The following XPOT variants were observed in gnomAD, a reference collection of about 807,000 sequenced individuals.
XPOT encodes exportin for tRNA, also known as exportin-T.
A neutral mutation model predicts 128.2 loss-of-function variants in XPOT; 34 were observed. The observed-to-expected ratio is 0.27, with a 90% CI of 0.20 to 0.35. The LOEUF (loss-of-function observed/expected upper bound fraction) is 0.35. Ranked by LOEUF, XPOT falls within the 10% of genes least tolerant of loss-of-function variation. The pLI, the probability that XPOT is intolerant of heterozygous loss-of-function variation, is 1.00. For missense variants in XPOT, 838 were observed against 1,125.3 expected (o/e 0.74, Z 3.65); for synonymous variants, 348 against 394.3 (o/e 0.88, Z 1.39).
chr12:64,426,938 G>A (rs71467182), intron 15 of XPOT, among the ~76,000 whole-genome samples: 1 of 151,758 alleles, frequency 6.6e-6, no homozygotes, highest in East Asian at 1.9e-4. Flanking sequence ...AGCAGAGATC[G>A]TGCCATTGCA....
At chr12:64,417,005 G>C (rs143594150) in intron 4 of XPOT, among the ~76,000 whole-genome samples, 1 of 152,100 alleles carries the variant, frequency 6.6e-6, no homozygotes, top group African/African-American at 2.4e-5. Flanking sequence ...TTGAAGTCAG[G>C]AGTTTGAGAC....
rs140974720 is a variant in XPOT, at chr12:64,442,232, G to A, written c.2806-2843G>A. Among the ~76,000 whole-genome samples, 503 of 151,964 alleles carry A rather than the reference G, an allele frequency of 3.3e-3. 1 individual carries two copies. The highest frequency in any genetic ancestry group is 0.012 in the African/African-American group (486 of 41,454). On this transcript the variant is annotated intron_variant, in intron 23 of 24. Coordinates refer to ENST00000332707, the MANE Select transcript of XPOT (RefSeq NM_007235.6). ...ACCTCCCGGGTTCAAGCAATTCTCC[G>A]GGTTCAAGCAGTTCTCCGGCCTCAG...
Position 64,431,711 on chromosome 12 carries a change from A to G in XPOT, c.2150A>G (p.Glu717Gly), listed in dbSNP as rs771443664. Residue 717 changes from glutamate to glycine, a missense_variant, in exon 18 of 25, where the codon GAA (glutamate) becomes GGA (glycine). Transcript: ENST00000332707. ...FLHRMIICLEEEVLPFIPSAS... is the reference protein window; with the variant it reads ...FLHRMIICLEGEVLPFIPSAS... ...CATCGAATGATTATTTGCCTGGAGG[A>G]AGAAGTTCTTCCGTTCATTCCATCT... 1 of 1,614,112 alleles carries G rather than the reference A, an allele frequency of 6.2e-7. No individual in the cohort carries two copies. Among genetic ancestry groups the G allele is most frequent in the Admixed American group, 1.7e-5 (1 of 60,008 alleles).
intron 3 of XPOT, among the ~76,000 whole-genome samples, chr12:64,416,457 A>G (rs943491375): frequency 6.6e-6 from 1 of 152,308 alleles, no homozygotes; most frequent in East Asian, 1.9e-4. Context: ...GCATCTTAAT[A>G]TCTTGGTTAG....
chr12:64,409,482 TC>T (rs753860145), intron 1 of XPOT, among the ~76,000 whole-genome samples: 80 of 152,178 alleles, frequency 5.3e-4, no homozygotes, highest in Non-Finnish European at 9.3e-4. Context: ...ATGCCTGTAA[TC>T]CCAGCACTTT....
At chr12:64,441,737 T>C (rs988629912) in intron 23 of XPOT, among the ~76,000 whole-genome samples, 5 of 152,326 alleles carry the variant, frequency 3.3e-5, no homozygotes, top group Non-Finnish European at 5.9e-5. Flanking sequence ...CAGGCTGGAG[T>C]GCAGAGGCAC....
intron 23 of XPOT, 32 bp downstream of exon 23, chr12:64,439,347 A>G (rs565165721): frequency 6.3e-7 from 1 of 1,580,598 alleles, no homozygotes; most frequent in Non-Finnish European, 8.7e-7. Flanking sequence ...TGTGTAGGCG[A>G]GAGATCACAG....
At chr12:64,409,879 A>T in intron 1 of XPOT, 83 bp from the exon 2 acceptor site, 1 of 595,892 alleles carries the variant, frequency 1.7e-6, no homozygotes, top group South Asian at 2.3e-5. Context: ...TCTTTGCATG[A>T]TTTTATCCAT....
intron 15 of XPOT, 110 bp from the exon 16 acceptor site, chr12:64,427,941 C>G: frequency 2.9e-6 from 2 of 695,754 alleles, no homozygotes; most frequent in Non-Finnish European, 5.0e-6. Flanking sequence ...TCAGAAGTGA[C>G]TAGCCTACAA....
intron 22 of XPOT, 139 bp from the exon 23 acceptor site, chr12:64,439,105 C>A: frequency 1.4e-6 from 1 of 716,534 alleles, no homozygotes; most frequent in Non-Finnish European, 2.3e-6. Flanking sequence ...GGCTTCAAAC[C>A]AAGGCAGTCT....
intron 23 of XPOT, among the ~76,000 whole-genome samples, chr12:64,440,144 TCTC>T (rs2040313429): frequency 6.6e-6 from 1 of 152,144 alleles, no homozygotes; most frequent in Non-Finnish European, 1.5e-5. Flanking sequence ...ACAGCCCCCA[TCTC>T]CTAGAAACTA....
Position 64,449,193 on chromosome 12 carries a change from T to C in XPOT, c.*1062T>C, listed in dbSNP as rs1230166549. On this transcript the variant is annotated 3_prime_UTR_variant, in exon 25 of 25. Transcript: ENST00000332707. ...CTGGGCAAGAGAGTAAGACTCTCTC[T>C]CAAAAAAAAAAAAAAAGAATTTAAA... The C allele has an allele frequency of 3.7e-5, 1 of 26,788 alleles. No individual in the cohort carries two copies. Among genetic ancestry groups the C allele is most frequent in the Admixed American group, 5.5e-4 (1 of 1,804 alleles). 1.7% of individuals were successfully genotyped at this position (26,788 alleles called of 1,614,324 possible).
chr12:64,411,379 G>A (rs2040037261), intron 2 of XPOT, among the ~76,000 whole-genome samples: 1 of 152,060 alleles, frequency 6.6e-6, no homozygotes, highest in African/African-American at 2.4e-5. Context: ...TGTGCCTCTT[G>A]AAATCTTTCA....
intron 2 of XPOT, among the ~76,000 whole-genome samples, chr12:64,414,558 C>A (rs187211461): frequency 3.3e-5 from 5 of 152,218 alleles, no homozygotes; most frequent in African/African-American, 9.6e-5. Flanking sequence ...AAAATGATCA[C>A]ACCCTTAACT....
In XPOT at chr12:64,423,056, A is replaced by C; in HGVS notation, c.1119+13A>C. On this transcript the variant is annotated intron_variant, in intron 10 of 24. Transcript: ENST00000332707. ...AGCTAATGTAGAGGTAATTGACTTT[A>C]TGCTTCTTTTAAACCAATGATAGAT... The C allele has an allele frequency of 6.2e-7, 1 of 1,612,888 alleles. No homozygotes were observed. The highest frequency in any genetic ancestry group is 1.7e-5 in the Admixed American group (1 of 59,816).
chr12:64,406,902 T>G (rs961389294), intron 1 of XPOT, among the ~76,000 whole-genome samples: 3 of 152,180 alleles, frequency 2.0e-5, no homozygotes, highest in Non-Finnish European at 1.5e-5. Context: ...CCAAGTCGTT[T>G]CCATTCCACA....
chr12:64,414,934 A>G lies in XPOT; in HGVS notation c.88A>G (p.Ile30Val), dbSNP rs761994641. 65 of 1,613,576 alleles carry G rather than the reference A, an allele frequency of 4.0e-5. No individual in the cohort carries two copies. In the East Asian group the frequency reaches 1.4e-3, roughly 36 times the overall value. Reference sequence around the variant, plus strand: ...CCTGGCCTATTTTGAGCAGTTAAAAATTTCCCCAGATGCCTGGCAGGTGTG... The same window carrying G: ...CCTGGCCTATTTTGAGCAGTTAAAAGTTTCCCCAGATGCCTGGCAGGTGTG... ...RALAYFEQLK[I>V]SPDAWQVCAE... The change falls in exon 3 of 25, where the codon ATT becomes GTT. Residue 30 changes from isoleucine to valine, a missense_variant. By Grantham distance (29) the Ile-to-Val change is conservative (BLOSUM62 3). Coordinates refer to ENST00000332707, the MANE Select transcript of XPOT (RefSeq NM_007235.6).
chr12:64,426,513 G>A (rs2040194119), intron 15 of XPOT, among the ~76,000 whole-genome samples: 1 of 152,082 alleles, frequency 6.6e-6, no homozygotes, highest in Non-Finnish European at 1.5e-5. Context: ...ATATGAAGCT[G>A]GGAACAAAAG....
rs985186735 is a variant in XPOT at position 64,430,299 on chromosome 12, C to T, written c.1976+12C>T. ...GTTGGATTTGCAAGGTAAGTGTGAT[C>T]ACAGTTAAAATTATAAAGTGCATGT... On this transcript the variant is annotated intron_variant, in intron 17 of 24. Transcript: ENST00000332707. The T allele has an allele frequency of 6.5e-7, 1 of 1,541,524 alleles. No individual in the cohort carries two copies. Among genetic ancestry groups the T allele is most frequent in the Admixed American group, 2.1e-5 (1 of 47,100 alleles).
Sources: allele counts gnomAD v4.1 joint callset (sites outside exome capture counted in the v4.1 genomes callset), GRCh38; gene constraint gnomAD v4.1.1; transcripts MANE v1.5; gene names NCBI Gene and HGNC (gene_info 2026-07-23, HGNC 2026-07-21).